HHIP: variants seen among roughly 807,000 people sequenced by gnomAD.
HHIP encodes hedgehog-interacting protein.
In HHIP, 12 loss-of-function variants were observed where a neutral mutation model predicts 74.0. That is an observed-to-expected ratio of 0.16 (90% CI 0.10 to 0.26). The LOEUF (loss-of-function observed/expected upper bound fraction) is 0.26, where lower values mean the gene tolerates loss of function less well. Among genes scored for constraint, HHIP ranks in the 10% least tolerant of loss-of-function variants. The pLI, the probability that HHIP is intolerant of heterozygous loss-of-function variation, is 1.00. For missense variants in HHIP, 788 were observed against 845.0 expected (o/e 0.93, Z 0.84); for synonymous variants, 309 against 311.6 (o/e 0.99, Z 0.09).
chr4:144,708,959 A>G (rs1247091084), intron 7 of HHIP, among the ~76,000 whole-genome samples: 1 of 152,210 alleles, frequency 6.6e-6, no homozygotes, highest in Non-Finnish European at 1.5e-5. Context: ...ACAAAGGAAA[A>G]CTAAAAAGTA....
At chr4:144,661,723 A>T (rs577771926) in intron 4 of HHIP, among the ~76,000 whole-genome samples, 3 of 152,296 alleles carry the variant, frequency 2.0e-5, no homozygotes, top group African/African-American at 7.2e-5. Context: ...GAGACTTGTA[A>T]TGTAAAAGCA....
chr4:144,659,115 C>T (rs1728631076), intron 3 of HHIP, among the ~76,000 whole-genome samples, 169 bp downstream of exon 3: 2 of 152,148 alleles, frequency 1.3e-5, no homozygotes, highest in Non-Finnish European at 2.9e-5. Context: ...AGCTTAAATG[C>T]TTTTAATACT....
chr4:144,663,121 A>G (rs1728758658), intron 4 of HHIP, among the ~76,000 whole-genome samples: 1 of 152,064 alleles, frequency 6.6e-6, no homozygotes, highest in Non-Finnish European at 1.5e-5. Flanking sequence ...CCATGTCTCT[A>G]ATAAAATTAC....
chr4:144,715,288 T>A lies in HHIP; in HGVS notation c.1548-12T>A, dbSNP rs200988412. ...GTATTCATTGTAGCTTTATGGTATG[T>A]TTCTGTTGTAGGAATTTCCTAACTC... On this transcript the variant is annotated splice_polypyrimidine_tract_variant and intron_variant, in intron 9 of 12. Transcript: ENST00000296575. 125 of 1,611,642 alleles carry A rather than the reference T, an allele frequency of 7.8e-5. No homozygotes were observed. The highest frequency in any genetic ancestry group is 2.0e-4 in the Admixed American group (12 of 59,920).
intron 4 of HHIP, among the ~76,000 whole-genome samples, chr4:144,690,111 A>G (rs1729604640): frequency 6.6e-6 from 1 of 152,128 alleles, no homozygotes; most frequent in African/African-American, 2.4e-5. Flanking sequence ...TAAATGACTT[A>G]TTTGATATTG....
At chr4:144,697,791 G>T (rs1729861662) in intron 4 of HHIP, among the ~76,000 whole-genome samples, 1 of 151,724 alleles carries the variant, frequency 6.6e-6, no homozygotes, top group African/African-American at 2.4e-5. Context: ...TTTCCTCATA[G>T]ATGGAAATGT....
chr4:144,699,226 GC>G (rs1729909579), intron 4 of HHIP, among the ~76,000 whole-genome samples: 1 of 152,078 alleles, frequency 6.6e-6, no homozygotes, highest in South Asian at 2.1e-4. Flanking sequence ...CTCATAATTC[GC>G]CTTCAGCCTT....
chr4:144,716,826 G>A (rs1338944681), intron 10 of HHIP, among the ~76,000 whole-genome samples: 1 of 123,790 alleles, frequency 8.1e-6, no homozygotes, highest in African/African-American at 3.1e-5. Context: ...TCCAGCCTGG[G>A]CAACATGAGC....
In HHIP at chr4:144,712,079, G is replaced by C; in HGVS notation, c.1423+8G>C. On this transcript the variant is annotated splice_region_variant and intron_variant, in intron 8 of 12. Coordinates refer to ENST00000296575, the MANE Select transcript of HHIP (RefSeq NM_022475.3). ...TAAAGGGGAAAGATTATGGTATGTA[G>C]AGCATAATTTGCTGATTTTGCTTTA... 1 of 1,607,950 alleles carries C rather than the reference G, an allele frequency of 6.2e-7. No homozygotes were observed. The highest frequency in any genetic ancestry group is 8.5e-7 in the Non-Finnish European group (1 of 1,176,950).
intron 4 of HHIP, among the ~76,000 whole-genome samples, chr4:144,674,666 G>A (rs183648169): frequency 3.9e-4 from 59 of 152,264 alleles, no homozygotes; most frequent in Admixed American, 1.6e-3. Context: ...TAGAATATAT[G>A]TGCTTTTCAT....
intron 4 of HHIP, among the ~76,000 whole-genome samples, chr4:144,681,815 T>C (rs935346973): frequency 2.6e-5 from 4 of 152,176 alleles, no homozygotes; most frequent in Non-Finnish European, 4.4e-5. Context: ...GGGGGCAGAA[T>C]TGGGAAGGCA....
chr4:144,654,287 A>C (rs770819327), intron 2 of HHIP, among the ~76,000 whole-genome samples: 1 of 152,198 alleles, frequency 6.6e-6, no homozygotes, highest in Non-Finnish European at 1.5e-5. Flanking sequence ...CCAGATCAAC[A>C]TATGTGGTGA....
In HHIP at chr4:144,739,823, G is replaced by A. The variant is rs916784610; in HGVS notation, c.*1866G>A. 2.0e-5 allele frequency: 3 copies of A among 152,142 alleles called. No individual in the cohort carries two copies. Among genetic ancestry groups the A allele is most frequent in the African/African-American group, 7.2e-5 (3 of 41,424 alleles). 9.4% of individuals were successfully genotyped at this position (152,142 alleles called of 1,614,324 possible). A position where few individuals can be genotyped will look rare whatever the true frequency, so the allele number is the denominator to read the frequency against. ...TGCCCTCTTACCCCAGAAAAGGGGT[G>A]GTCCCTTCTAGTCACACTAACACTT... On this transcript the variant is annotated 3_prime_UTR_variant, in exon 13 of 13. Transcript: ENST00000296575.
intron 2 of HHIP, among the ~76,000 whole-genome samples, chr4:144,654,070 T>C (rs1294772408): frequency 2.6e-5 from 4 of 152,200 alleles, no homozygotes; most frequent in Admixed American, 1.3e-4. Context: ...GGACTATAAA[T>C]TGAAAGTGAT....
rs570798461 is a variant in HHIP, at chr4:144,712,129, T to A, written c.1423+58T>A. ...AGTTCAAGTTTTGTCTTAGTATATTTAGTAATTGAAGAGAAAGGGATTTCT... is the reference window on the plus strand; with the variant it reads ...AGTTCAAGTTTTGTCTTAGTATATTAAGTAATTGAAGAGAAAGGGATTTCT... On this transcript the variant is annotated intron_variant, in intron 8 of 12. Transcript: ENST00000296575. The A allele has an allele frequency of 5.5e-4, 812 of 1,463,716 alleles. 1 individual carries two copies. Among genetic ancestry groups the A allele is most frequent in the Admixed American group, 1.0e-3 (56 of 54,544 alleles). The allele number at this position is 1,463,716 out of a possible 1,614,324, so 90.7% of individuals were successfully genotyped here.
chr4:144,672,272 C>T (rs888344837), intron 4 of HHIP, among the ~76,000 whole-genome samples: 2 of 152,100 alleles, frequency 1.3e-5, no homozygotes, highest in East Asian at 1.9e-4. Context: ...ATAGGTGCAT[C>T]GTCTTTCTGT....
At chr4:144,721,820 T>C (rs577742291) in intron 11 of HHIP, among the ~76,000 whole-genome samples, 22 of 151,884 alleles carry the variant, frequency 1.4e-4, no homozygotes, top group African/African-American at 5.3e-4. Flanking sequence ...GGAGAATCAC[T>C]TGAACCCAGG....
At chr4:144,647,124 T>C (rs1388132081) in intron 1 of HHIP, 170 bp downstream of exon 1, 1 of 568,286 alleles carries the variant, frequency 1.8e-6, no homozygotes, top group Non-Finnish European at 3.0e-6. Flanking sequence ...TCCTCTGGGG[T>C]AAGCAAGTAG....
At chr4:144,653,091 T>C (rs867847315) in intron 2 of HHIP, among the ~76,000 whole-genome samples, 1 of 152,116 alleles carries the variant, frequency 6.6e-6, no homozygotes, top group African/African-American at 2.4e-5. Context: ...CACGTTGGAT[T>C]CTCAATCCAA....
Sources: allele counts gnomAD v4.1 joint callset (sites outside exome capture counted in the v4.1 genomes callset), GRCh38; gene constraint gnomAD v4.1.1; transcripts MANE v1.5; gene names NCBI Gene and HGNC (gene_info 2026-07-23, HGNC 2026-07-21).